The following CA10 variants were observed in gnomAD, a reference collection of about 807,000 sequenced individuals.
The protein encoded by CA10 is carbonic anhydrase 10 (inactive).
Under a neutral mutation model 44.2 loss-of-function variants are expected in CA10, and 14 were observed. That is an observed-to-expected ratio of 0.32 (90% CI 0.21 to 0.50). CA10 has a LOEUF of 0.50. CA10 is among the 20% of genes least tolerant of loss of function. The probability of loss-of-function intolerance (pLI) is 0.99; values close to 1 mark genes in which losing one functional copy is unlikely to be tolerated. For synonymous variants in CA10, 159 were observed against 141.6 expected, an observed-to-expected ratio of 1.12 and a Z score of -0.87; for missense variants, 350 against 409.7, an observed-to-expected ratio of 0.85 and a Z score of 1.26.
At chr17:51,706,953 G>A (rs1224156335) in intron 4 of CA10, among the ~76,000 whole-genome samples, 1 of 152,082 alleles carries the variant, frequency 6.6e-6, no homozygotes, top group Non-Finnish European at 1.5e-5. Flanking sequence ...CACACTGGAC[G>A]CCTTTTCCTA....
chr17:52,036,706 A>T (rs1273158610), intron 2 of CA10, among the ~76,000 whole-genome samples: 1 of 152,212 alleles, frequency 6.6e-6, no homozygotes, highest in Non-Finnish European at 1.5e-5. Context: ...TCTTCCAAAC[A>T]TAGGGATAAT....
intron 3 of CA10, among the ~76,000 whole-genome samples, chr17:51,781,582 T>C (rs1242669825): frequency 6.6e-6 from 1 of 152,242 alleles, no homozygotes; most frequent in African/African-American, 2.4e-5. Flanking sequence ...TTTCCTCCAC[T>C]GGACTTTGAG....
chr17:52,035,666 C>G (rs752438022), intron 2 of CA10, among the ~76,000 whole-genome samples: 1 of 152,232 alleles, frequency 6.6e-6, no homozygotes, highest in African/African-American at 2.4e-5. Context: ...GCACCCCTAC[C>G]TGGATGCTGC....
intron 3 of CA10, among the ~76,000 whole-genome samples, chr17:51,892,841 C>T (rs2143912960): frequency 6.6e-6 from 1 of 152,246 alleles, no homozygotes; most frequent in Admixed American, 6.5e-5. Flanking sequence ...GAAAAGACCA[C>T]GTGAGTACTA....
intron 3 of CA10, among the ~76,000 whole-genome samples, chr17:51,806,154 G>A (rs1907127709): frequency 6.6e-6 from 1 of 152,178 alleles, no homozygotes; most frequent in Non-Finnish European, 1.5e-5. Flanking sequence ...AGATCACTAA[G>A]GGGTTTTACA....
chr17:51,850,459 G>A (rs969000541), intron 3 of CA10, among the ~76,000 whole-genome samples: 1 of 152,182 alleles, frequency 6.6e-6, no homozygotes, highest in African/African-American at 2.4e-5. Flanking sequence ...CAAGTGGGTG[G>A]AGAACAGAAT....
intron 2 of CA10, among the ~76,000 whole-genome samples, chr17:52,035,292 A>G (rs1986584039): frequency 6.6e-6 from 1 of 152,190 alleles, no homozygotes; most frequent in Non-Finnish European, 1.5e-5. Flanking sequence ...TTGATGGAGT[A>G]ACTTCAGAGA....
rs147988822 is a variant in CA10 at position 52,120,635 on chromosome 17, C to A, written c.61+37091G>T. Among the ~76,000 whole-genome samples the A allele has an allele frequency of 3.7e-3, 567 of 152,266 alleles. 4 individuals carry two copies. Among genetic ancestry groups the A allele is most frequent in the South Asian group, 0.029 (140 of 4,830 alleles). Reference sequence around the variant, plus strand: ...AGTGTTTATGCCAGATGTCTTTGTGCAGCTGGGGGAACCTGCACAGGGTCT... The same window carrying A: ...AGTGTTTATGCCAGATGTCTTTGTGAAGCTGGGGGAACCTGCACAGGGTCT... On this transcript the variant is annotated intron_variant, in intron 1 of 8. Transcript: ENST00000451037.
chr17:51,890,839 T>C (rs1158593994), intron 3 of CA10, among the ~76,000 whole-genome samples: 2 of 152,182 alleles, frequency 1.3e-5, no homozygotes, highest in Non-Finnish European at 2.9e-5. Flanking sequence ...TTGACAGTTA[T>C]GCCAGGAGAA....
intron 4 of CA10, among the ~76,000 whole-genome samples, chr17:51,658,036 T>A (rs1913860275): frequency 6.6e-6 from 1 of 152,202 alleles, no homozygotes; most frequent in South Asian, 2.1e-4. Context: ...AGTATCCTCC[T>A]AGAGAAGCTT....
At chr17:51,802,987 C>G (rs1050038748) in intron 3 of CA10, among the ~76,000 whole-genome samples, 3 of 152,170 alleles carry the variant, frequency 2.0e-5, no homozygotes, top group African/African-American at 7.2e-5. Flanking sequence ...TCCAAAATCT[C>G]AGGACCCTGC....
chr17:51,930,383 T>C (rs1367229017), intron 3 of CA10, among the ~76,000 whole-genome samples: 1 of 152,108 alleles, frequency 6.6e-6, no homozygotes, highest in Non-Finnish European at 1.5e-5. Flanking sequence ...AATGGGCACT[T>C]GTGCCCTTCC....
At chr17:51,990,528 A>G (rs565727506) in intron 2 of CA10, among the ~76,000 whole-genome samples, 1 of 152,116 alleles carries the variant, frequency 6.6e-6, no homozygotes, top group Non-Finnish European at 1.5e-5. Context: ...GTAGGAGAGG[A>G]GACAGTACAA....
intron 2 of CA10, among the ~76,000 whole-genome samples, chr17:52,003,814 G>A (rs1427077551): frequency 6.6e-6 from 1 of 151,718 alleles, no homozygotes; most frequent in Non-Finnish European, 1.5e-5. Context: ...CTTTTACTTT[G>A]TTTTGATACT....
chr17:52,014,016 A>T (rs550616512), intron 2 of CA10, among the ~76,000 whole-genome samples: 1 of 151,996 alleles, frequency 6.6e-6, no homozygotes, highest in African/African-American at 2.4e-5. Context: ...AAATCATGAC[A>T]AACAAAAATA....
chr17:51,748,002 T>G (rs1904764853), intron 3 of CA10, among the ~76,000 whole-genome samples, 184 bp from the exon 4 acceptor site: 1 of 152,172 alleles, frequency 6.6e-6, no homozygotes, highest in Admixed American at 6.5e-5. Context: ...GTAATTTCTG[T>G]GAGGCATAAA....
intron 3 of CA10, among the ~76,000 whole-genome samples, chr17:51,861,704 C>T (rs1979317949): frequency 6.6e-6 from 1 of 152,012 alleles, no homozygotes. Flanking sequence ...GAAAATTAGC[C>T]AATTAATCTG....
chr17:51,910,299 TATC>T (rs1981736813), intron 3 of CA10, among the ~76,000 whole-genome samples: 1 of 141,080 alleles, frequency 7.1e-6, no homozygotes, highest in Non-Finnish European at 1.6e-5. Context: ...ATAAACAAAA[TATC>T]CTTCTACCAA....
At chr17:51,995,047 C>G (rs1379488659) in intron 2 of CA10, among the ~76,000 whole-genome samples, 1 of 151,718 alleles carries the variant, frequency 6.6e-6, no homozygotes, top group Admixed American at 6.6e-5. Context: ...ACAAAAGATG[C>G]GTGAATGGAA....
Sources: allele counts gnomAD v4.1 joint callset (sites outside exome capture counted in the v4.1 genomes callset), GRCh38; gene constraint gnomAD v4.1.1; transcripts MANE v1.5; gene names NCBI Gene and HGNC (gene_info 2026-07-23, HGNC 2026-07-21).